TG: variants seen among roughly 807,000 people sequenced by gnomAD.
TG encodes thyroglobulin, also known as thyroid hormones.
A neutral mutation model predicts 324.7 loss-of-function variants in TG; 270 were observed. That is an observed-to-expected ratio of 0.83 (90% CI 0.75 to 0.92). The LOEUF (loss-of-function observed/expected upper bound fraction) is 0.92, where lower values mean the gene tolerates loss of function less well. Ranked by LOEUF, TG falls within the 40% of genes least tolerant of loss-of-function variation. The pLI, the probability that TG is intolerant of heterozygous loss-of-function variation, is 0.00. For missense variants in TG, 3,591 were observed against 3,456.4 expected (o/e 1.04, Z -0.98); for synonymous variants, 1,401 against 1,327.0 (o/e 1.06, Z -1.21).
At chr8:132,902,870 G>A (rs1254124990) in intron 16 of TG, among the ~76,000 whole-genome samples, 5 of 152,160 alleles carry the variant, frequency 3.3e-5, no homozygotes, top group African/African-American at 1.2e-4. Context: ...TACAGTTCCC[G>A]TGTACAGATT....
chr8:132,932,132 G>A (rs1200628535), intron 23 of TG, among the ~76,000 whole-genome samples: 2 of 151,896 alleles, frequency 1.3e-5, no homozygotes, highest in East Asian at 1.9e-4. Flanking sequence ...TTTGGGGGGG[G>A]TGTTCTGAAT....
intron 10 of TG, among the ~76,000 whole-genome samples, chr8:132,891,479 C>A (rs1368566732): frequency 6.6e-6 from 1 of 152,160 alleles, no homozygotes; most frequent in African/African-American, 2.4e-5. Context: ...GGACTACAAG[C>A]ATGCACCATC....
intron 34 of TG, among the ~76,000 whole-genome samples, chr8:132,980,542 G>T (rs1285588109): frequency 6.6e-6 from 1 of 152,068 alleles, no homozygotes; most frequent in African/African-American, 2.4e-5. Context: ...ATAGATAGTG[G>T]TTTCCCTGAG....
chr8:133,125,428 A>G (rs1242560393), intron 45 of TG, among the ~76,000 whole-genome samples: 1 of 152,252 alleles, frequency 6.6e-6, no homozygotes, highest in East Asian at 1.9e-4. Context: ...ATCCCAAAAG[A>G]AAGATCATCA....
chr8:132,948,448 G>C (rs1825659972), intron 26 of TG, among the ~76,000 whole-genome samples: 2 of 152,204 alleles, frequency 1.3e-5, no homozygotes, highest in Non-Finnish European at 2.9e-5. Flanking sequence ...GTAGACCATG[G>C]TGACTGAGGA....
At chr8:133,109,137 A>G (rs1040789297) in intron 43 of TG, among the ~76,000 whole-genome samples, 14 of 152,098 alleles carry the variant, frequency 9.2e-5, no homozygotes, top group African/African-American at 3.4e-4. Context: ...TTCAACCATT[A>G]TCTGTCCTGT....
chr8:132,995,168 C>G (rs570901714), intron 35 of TG: 2 of 963,400 alleles, frequency 2.1e-6, no homozygotes, highest in African/African-American at 3.6e-5. Flanking sequence ...CTATGAATAA[C>G]CTAGGGAAAG....
At chr8:132,968,432 C>T (rs1828957006) in intron 31 of TG, among the ~76,000 whole-genome samples, 1 of 152,178 alleles carries the variant, frequency 6.6e-6, no homozygotes, top group Non-Finnish European at 1.5e-5. Context: ...ATGTCAGCAA[C>T]AGTGACTTTA....
At position 132,972,611 on chromosome 8, in the gene TG, AT is replaced by A. The variant is rs1829694873; in HGVS notation, c.6070del (p.Cys2024ValfsTer4). 6.2e-7 allele frequency: 1 copy of A among 1,605,490 alleles called. No homozygotes were observed. Among genetic ancestry groups the A allele is most frequent in the African/African-American group, 1.4e-5 (1 of 71,746 alleles). ...TTTCCACCCCAGGAGGAGAGGTGAC[AT>A]GTCTCACTCTGAACAGCTTGGGAAT... ...VSQLKGGEVTCLTLNSLGIQM... is the reference protein window; with the variant it reads ...VSQLKGGEVTXLTLNSLGIQM... On this transcript the variant is annotated frameshift_variant, in exon 34 of 48. Transcript: ENST00000220616. LOFTEE classifies it high-confidence loss of function.
At chr8:133,127,722 T>C (rs1564218333) in intron 45 of TG, among the ~76,000 whole-genome samples, 1 of 152,130 alleles carries the variant, frequency 6.6e-6, no homozygotes, top group African/African-American at 2.4e-5. Context: ...TAGAAAAAGT[T>C]CCAATTGCAC....
chr8:133,043,421 G>A (rs1838700986), intron 41 of TG, among the ~76,000 whole-genome samples: 1 of 152,156 alleles, frequency 6.6e-6, no homozygotes, highest in Non-Finnish European at 1.5e-5. Flanking sequence ...CTGTTTCCAG[G>A]ACTCCCTTCC....
At chr8:132,960,960 C>T in intron 27 of TG, 48 bp from the exon 28 acceptor site, 2 of 1,575,328 alleles carry the variant, frequency 1.3e-6, no homozygotes, top group Non-Finnish European at 1.7e-6. Flanking sequence ...GGTGGGTACC[C>T]AGTGACAGCA....
At chr8:132,958,357 G>A (rs56081452) in intron 27 of TG, among the ~76,000 whole-genome samples, 1 of 151,216 alleles carries the variant, frequency 6.6e-6, no homozygotes, top group African/African-American at 2.4e-5. Context: ...CTATCTATCT[G>A]TCTATCTATC....
chr8:133,084,473 C>T (rs776737283), intron 41 of TG, among the ~76,000 whole-genome samples: 2 of 152,154 alleles, frequency 1.3e-5, no homozygotes, highest in Non-Finnish European at 2.9e-5. Context: ...GCCATTGCCT[C>T]GGCTATCACT....
chr8:132,957,173 G>C (rs57831741), intron 27 of TG, among the ~76,000 whole-genome samples: 2,004 of 152,258 alleles, frequency 0.013, 50 homozygotes, highest in African/African-American at 0.046. Flanking sequence ...ATTGACAAAG[G>C]TGCTTCCCAG....
In TG at chr8:133,040,269, G is replaced by T. The variant is rs550037674; in HGVS notation, c.7239+10246G>T. On this transcript the variant is annotated intron_variant, in intron 41 of 47. Transcript: ENST00000220616. The stretch of plus-strand genomic sequence containing the variant: ...GGGCCTGAGATTTCAAAGGGGCATG[G>T]TAGGTGGTGACAATGCTGAAAGTCA... 6.6e-6 allele frequency: 6 copies of T among 912,744 alleles called. No homozygotes were observed. The South Asian group carries it at 8.4e-5, about 13-fold the overall frequency. The allele number at this position is 912,744 out of a possible 1,614,324, so 56.5% of individuals were successfully genotyped here.
chr8:132,985,785 C>G (rs1370180886), intron 35 of TG, among the ~76,000 whole-genome samples: 1 of 152,170 alleles, frequency 6.6e-6, no homozygotes, highest in Non-Finnish European at 1.5e-5. Flanking sequence ...GCTTGTTCCT[C>G]TCTGCCAAGT....
In TG at chr8:132,882,612, T is replaced by C. The variant is rs2132127263; in HGVS notation, c.889T>C (p.Cys297Arg). The C allele has an allele frequency of 6.2e-7, 1 of 1,614,228 alleles. No individual in the cohort carries two copies. The change falls in exon 7 of 48, where the codon TGC (cysteine) becomes CGC (arginine). Residue 297 changes from cysteine to arginine, a missense_variant and splice_region_variant. Cys to Arg is a radical substitution (Grantham distance 180). Transcript: ENST00000220616. ...VQSVISGRFR[C>R]PTKCEVERFT... ...ATCAGTCATCTCTGGCAGATTCCGA[T>C]GTAAGTAATAAACTGCCAACAATGT...
chr8:133,086,307 A>G lies in TG; in HGVS notation c.7240-8737A>G, dbSNP rs527877916. Among the ~76,000 whole-genome samples, 193 of 152,350 alleles carry G rather than the reference A, an allele frequency of 1.3e-3. 1 individual carries two copies. The highest frequency in any genetic ancestry group is 2.0e-3 in the Non-Finnish European group (134 of 68,030). ...GTGATGATTGCACAACTCTGTGACTATAACTAAAAACCATTGAATTAAGTG... is the reference window on the plus strand; with the variant it reads ...GTGATGATTGCACAACTCTGTGACTGTAACTAAAAACCATTGAATTAAGTG... On this transcript the variant is annotated intron_variant, in intron 41 of 47. Coordinates refer to ENST00000220616, the MANE Select transcript of TG (RefSeq NM_003235.5).
Sources: gnomAD v4.1 joint callset for allele counts (sites outside exome capture counted in the v4.1 genomes callset) on GRCh38, gnomAD v4.1.1 for gene constraint, MANE v1.5 for transcripts, NCBI Gene and HGNC (gene_info 2026-07-23, HGNC 2026-07-21) for gene names.